The following PITPNM2 variants were observed in gnomAD, a reference collection of about 807,000 sequenced individuals.
PITPNM2 encodes the protein phosphatidylinositol transfer protein membrane associated 2, also known as membrane-associated phosphatidylinositol transfer protein 2.
In PITPNM2, 35 loss-of-function variants were observed where a neutral mutation model predicts 132.2. That is an observed-to-expected ratio of 0.26 (90% CI 0.20 to 0.35). PITPNM2 has a LOEUF of 0.35. PITPNM2 is among the 10% of genes least tolerant of loss of function. The pLI is 1.00. For missense variants in PITPNM2, 1,332 were observed against 1,912.0 expected (o/e 0.70, Z 5.66); for synonymous variants, 738 against 799.2 (o/e 0.92, Z 1.29).
intron 2 of PITPNM2, among the ~76,000 whole-genome samples, chr12:123,062,307 T>G (rs953917488): frequency 6.6e-6 from 1 of 152,108 alleles, no homozygotes; most frequent in Non-Finnish European, 1.5e-5. Flanking sequence ...GAGGTGGTAA[T>G]ACGTCCAGTG....
At chr12:122,990,872 A>G (rs1468130347) in intron 16 of PITPNM2, among the ~76,000 whole-genome samples, 163 bp from the exon 17 acceptor site, 1 of 152,134 alleles carries the variant, frequency 6.6e-6, no homozygotes, top group East Asian at 1.9e-4. Context: ...AGGGGCCCAG[A>G]GCTTTAGCAG....
rs1343416626 is a variant in PITPNM2 at position 122,996,795 on chromosome 12, T to C, written c.1588A>G (p.Thr530Ala). 6.2e-7 allele frequency: 1 copy of C among 1,610,190 alleles called. No homozygotes were observed. Among genetic ancestry groups the C allele is most frequent in the Non-Finnish European group, 8.5e-7 (1 of 1,179,064 alleles). ...GCAAGGTTGGCTCGCTGAATCACTG[T>C]GGCAACTGCCTCCTGGTACTGGGGG... is the stretch of plus-strand genomic sequence containing the variant. The part of the protein sequence containing the change: ...SSPQYQEAVA[T>A]VIQRANLAYG... Residue 530 changes from threonine to alanine, a missense_variant, in exon 12 of 26, where the codon ACA (threonine) becomes GCA (alanine). Coordinates refer to ENST00000320201, the MANE Select transcript of PITPNM2 (RefSeq NM_020845.3).
intron 1 of PITPNM2, among the ~76,000 whole-genome samples, chr12:123,139,918 C>T (rs1474299025): frequency 6.6e-6 from 1 of 152,162 alleles, no homozygotes; most frequent in Non-Finnish European, 1.5e-5. Flanking sequence ...AGTTTTCTTT[C>T]ATCCAGAGAT....
intron 3 of PITPNM2, among the ~76,000 whole-genome samples, chr12:123,026,501 A>G (rs2039868370): frequency 6.6e-6 from 1 of 152,266 alleles, no homozygotes; most frequent in Non-Finnish European, 1.5e-5. Context: ...AGCGCCAGGA[A>G]ATAAGATACC....
At chr12:123,116,887 A>G (rs2042945817) in intron 1 of PITPNM2, among the ~76,000 whole-genome samples, 1 of 152,176 alleles carries the variant, frequency 6.6e-6, no homozygotes, top group East Asian at 1.9e-4. Context: ...CACCTTGTCA[A>G]TGGGTCCCCC....
chr12:122,987,498 T>C lies in PITPNM2; in HGVS notation c.3263+13A>G. ...CGCCCTGCCTATCCCGCCCTCCCAGTGCAGGCATATACCTGACCACCATCT... is the reference window on the plus strand; with the variant it reads ...CGCCCTGCCTATCCCGCCCTCCCAGCGCAGGCATATACCTGACCACCATCT... On this transcript the variant is annotated intron_variant, in intron 22 of 25. Coordinates refer to ENST00000320201, the MANE Select transcript of PITPNM2 (RefSeq NM_020845.3). 6.2e-7 allele frequency: 1 copy of C among 1,611,484 alleles called. No individual in the cohort carries two copies. The highest frequency in any genetic ancestry group is 8.5e-7 in the Non-Finnish European group (1 of 1,177,966).
intron 5 of PITPNM2, among the ~76,000 whole-genome samples, chr12:123,012,000 C>T (rs896183983): frequency 6.6e-6 from 1 of 152,236 alleles, no homozygotes; most frequent in African/African-American, 2.4e-5. Context: ...CCTGAGATGC[C>T]TCCACAGTGA....
rs1324115817 is a variant in PITPNM2, at chr12:123,000,979, G to A, written c.1153+75C>T. 6.5e-6 allele frequency: 10 copies of A among 1,537,552 alleles called. No individual in the cohort carries two copies. The highest frequency in any genetic ancestry group is 7.2e-6 in the Non-Finnish European group (8 of 1,111,138). On this transcript the variant is annotated intron_variant, in intron 9 of 25. Transcript: ENST00000320201. The surrounding 1 kb of genome is among the most constrained non-coding windows in gnomAD (Gnocchi z 5.4). The stretch of plus-strand genomic sequence containing the variant: ...CATGTATGCCCAGCACTGTGCAGAA[G>A]CTGGTCAGAAAGGAGGGGGCTGAAG...
intron 2 of PITPNM2, chr12:123,091,465 C>A (rs532668914): frequency 2.0e-5 from 3 of 152,224 alleles, no homozygotes; most frequent in Non-Finnish European, 4.4e-5. Context: ...AATCTAATTT[C>A]TCCACCTAGG....
At chr12:123,033,631 C>T (rs563823988) in intron 3 of PITPNM2, among the ~76,000 whole-genome samples, 97 of 152,314 alleles carry the variant, frequency 6.4e-4, no homozygotes, top group Non-Finnish European at 1.2e-3. Flanking sequence ...GAGACAGGCC[C>T]TGTGCTCCTT....
chr12:123,056,428 C>G (rs1432551450), intron 2 of PITPNM2, among the ~76,000 whole-genome samples: 2 of 152,152 alleles, frequency 1.3e-5, no homozygotes, highest in Admixed American at 1.3e-4. Flanking sequence ...TGTTCTGCAC[C>G]AGCTTCTCAC....
At chr12:123,050,074 G>C (rs2040809679) in intron 2 of PITPNM2, among the ~76,000 whole-genome samples, 1 of 152,190 alleles carries the variant, frequency 6.6e-6, no homozygotes, top group South Asian at 2.1e-4. Context: ...ACTTTTCATG[G>C]AGCCAGACTT....
At chr12:123,093,533 T>C (rs946230275) in intron 2 of PITPNM2, among the ~76,000 whole-genome samples, 18 of 152,250 alleles carry the variant, frequency 1.2e-4, no homozygotes, top group Admixed American at 1.0e-3. Context: ...CAACAGAGTC[T>C]GGCCGCTGCA....
At chr12:123,137,753 C>T (rs916095000) in intron 1 of PITPNM2, among the ~76,000 whole-genome samples, 4 of 151,816 alleles carry the variant, frequency 2.6e-5, no homozygotes, top group South Asian at 2.1e-4. Context: ...ATTAGCGGGA[C>T]GTGGTGGTGC....
Position 123,150,513 on chromosome 12 carries a change from G to A in PITPNM2, c.-200+240C>T, listed in dbSNP as rs942129847. 6.6e-6 allele frequency among the ~76,000 whole-genome samples: 1 copy of A among 152,132 alleles called. No individual in the cohort carries two copies. Among genetic ancestry groups the A allele is most frequent in the Non-Finnish European group, 1.5e-5 (1 of 68,006 alleles). Reference sequence around the variant, plus strand: ...TCAGCGTTTCGGGCACGGATCCAGGGCCGGCGACTCACTGAGGCCAGGCTC... The same window carrying A: ...TCAGCGTTTCGGGCACGGATCCAGGACCGGCGACTCACTGAGGCCAGGCTC... On this transcript the variant is annotated intron_variant, in intron 1 of 25. Transcript: ENST00000320201. The surrounding 1 kb of genome is among the most constrained non-coding windows in gnomAD (Gnocchi z 6.0).
chr12:123,006,904 A>G (rs1287251606), intron 6 of PITPNM2, among the ~76,000 whole-genome samples: 1 of 152,108 alleles, frequency 6.6e-6, no homozygotes, highest in Non-Finnish European at 1.5e-5. Context: ...CCAAACTGTT[A>G]TCTTACAATG....
intron 2 of PITPNM2, among the ~76,000 whole-genome samples, chr12:123,069,721 G>A (rs1236805499): frequency 3.3e-5 from 5 of 152,192 alleles, no homozygotes; most frequent in African/African-American, 7.2e-5. Flanking sequence ...CTCAGGGCCC[G>A]AGCCTTGTTC....
intron 6 of PITPNM2, among the ~76,000 whole-genome samples, chr12:123,006,927 G>A (rs562854303): frequency 2.6e-4 from 40 of 152,074 alleles, no homozygotes; most frequent in African/African-American, 9.6e-4. Flanking sequence ...TGAATCATAT[G>A]GAATCTAAAA....
rs2039107895 is a variant in PITPNM2 at position 123,009,856 on chromosome 12, C to T, written c.637G>A (p.Asp213Asn). ...CTGGCATGGGTGTGCTCACCGGTGT[C>T]GTGGATGAACCTCTCGATCTTGGAC... is the stretch of plus-strand genomic sequence containing the variant. Reference protein sequence around the residue: ...MQSKIERFIHDTGLRRVMVRA... With the variant: ...MQSKIERFIHNTGLRRVMVRA... Residue 213 changes from aspartate (D) to asparagine (N), a missense_variant, in exon 6 of 26, where the codon GAC becomes AAC. Coordinates refer to ENST00000320201, the MANE Select transcript of PITPNM2 (RefSeq NM_020845.3). This position sits in a 1 kb window ranked among gnomAD's most constrained non-coding sequence, Gnocchi z 4.8. 1 of 1,614,032 alleles carries T rather than the reference C, an allele frequency of 6.2e-7. No individual in the cohort carries two copies. The highest frequency in any genetic ancestry group is 8.5e-7 in the Non-Finnish European group (1 of 1,179,936).
Sources: gnomAD v4.1 joint callset for allele counts (sites outside exome capture counted in the v4.1 genomes callset) on GRCh38, gnomAD v4.1.1 for gene constraint, Gnocchi (gnomAD v3.1) non-coding constraint, MANE v1.5 for transcripts, NCBI Gene and HGNC (gene_info 2026-07-23, HGNC 2026-07-21) for gene names.